The following METTL2B variants were observed in gnomAD, a reference collection of about 807,000 sequenced individuals.
METTL2B encodes methyltransferase 2B, tRNA N3-cytidine, also known as tRNA N(3)-cytidine methyltransferase METTL2B.
Under a neutral mutation model 51.0 loss-of-function variants are expected in METTL2B, and 28 were observed. That is an observed-to-expected ratio of 0.55 (90% CI 0.41 to 0.75). METTL2B has a LOEUF of 0.75. Among genes scored for constraint, METTL2B ranks in the 30% least tolerant of loss-of-function variants. The pLI is 0.00. For synonymous variants in METTL2B, 128 were observed against 166.3 expected, an observed-to-expected ratio of 0.77 and a Z score of 1.77; for missense variants, 313 against 460.7, an observed-to-expected ratio of 0.68 and a Z score of 2.93.
At chr7:128,494,367 C>T (rs939277323) in intron 6 of METTL2B, among the ~76,000 whole-genome samples, 2 of 152,156 alleles carry the variant, frequency 1.3e-5, no homozygotes, top group African/African-American at 4.8e-5. Context: ...ACAAAGAAGC[C>T]ACACCATTTG....
chr7:128,490,553 T>G (rs1201418484), intron 5 of METTL2B, among the ~76,000 whole-genome samples: 1 of 152,196 alleles, frequency 6.6e-6, no homozygotes, highest in African/African-American at 2.4e-5. Context: ...CCCAAGTTCC[T>G]GGTATCTTAC....
intron 5 of METTL2B, among the ~76,000 whole-genome samples, chr7:128,492,578 A>T (rs1584794695): frequency 6.7e-6 from 1 of 149,566 alleles, no homozygotes; most frequent in African/African-American, 2.5e-5. Context: ...CACTGTGCCT[A>T]GCAGATCGTG....
chr7:128,480,777 C>T lies in METTL2B; in HGVS notation c.608+81C>T, dbSNP rs1799863427. 1.2e-5 allele frequency: 17 copies of T among 1,381,014 alleles called. No individual in the cohort carries two copies. The South Asian group carries it at 2.4e-4, about 19-fold the overall frequency. The allele number at this position is 1,381,014 out of a possible 1,614,324, so 85.5% of individuals were successfully genotyped here. A position where few individuals can be genotyped will look rare whatever the true frequency, so the allele number is the denominator to read the frequency against. ...GGGCGCATTGCTTCACGACAGTAAT[C>T]CCAGCACTTTGGGAGGCCAAAGCAG... On this transcript the variant is annotated intron_variant, in intron 4 of 8. Coordinates refer to ENST00000262432, the MANE Select transcript of METTL2B (RefSeq NM_018396.3).
At chr7:128,497,727 C>T (rs185035215) in intron 6 of METTL2B, among the ~76,000 whole-genome samples, 3 of 150,338 alleles carry the variant, frequency 2.0e-5, no homozygotes, top group Non-Finnish European at 4.4e-5. Flanking sequence ...ATTTGATCCG[C>T]CTGCCTCAGC....
intron 6 of METTL2B, 80 bp downstream of exon 6, chr7:128,494,023 G>C (rs1792882233): frequency 2.6e-6 from 4 of 1,533,810 alleles, no homozygotes; most frequent in Admixed American, 2.0e-5. Context: ...ATAGGGTCTT[G>C]CTCCGTCAGC....
At chr7:128,486,249 C>T (rs967203206) in intron 4 of METTL2B, among the ~76,000 whole-genome samples, 9 of 151,598 alleles carry the variant, frequency 5.9e-5, no homozygotes, top group African/African-American at 2.2e-4. Context: ...GCCAAGACCA[C>T]GCTATTGCAC....
chr7:128,502,002 G>T lies in METTL2B; in HGVS notation c.*86G>T. The T allele has an allele frequency of 6.4e-7, 1 of 1,561,498 alleles. No individual in the cohort carries two copies. Among genetic ancestry groups the T allele is most frequent in the Non-Finnish European group, 8.7e-7 (1 of 1,149,688 alleles). On this transcript the variant is annotated 3_prime_UTR_variant, in exon 9 of 9. Coordinates refer to ENST00000262432, the MANE Select transcript of METTL2B (RefSeq NM_018396.3). ...ATTTGTAGCACCGGGCATGGTGCAT[G>T]CCTGTAATCCCAGCCACTCAGGAGG...
chr7:128,486,016 G>A (rs2732428), intron 4 of METTL2B, among the ~76,000 whole-genome samples: 3,182 of 152,144 alleles, frequency 0.021, 108 homozygotes, highest in African/African-American at 0.072. Context: ...AGCACAGGCC[G>A]GGCGTGGTGG....
At chr7:128,479,088 A>G (rs1334154017) in intron 2 of METTL2B, 70 bp from the exon 3 acceptor site, 7 of 1,433,926 alleles carry the variant, frequency 4.9e-6, no homozygotes, top group Non-Finnish European at 6.6e-6. Flanking sequence ...GTAAAGCAGG[A>G]TAATTGACGT....
At chr7:128,490,343 T>TGAGA (rs1792806531) in intron 5 of METTL2B, among the ~76,000 whole-genome samples, 2 of 150,370 alleles carry the variant, frequency 1.3e-5, no homozygotes, top group Non-Finnish European at 3.0e-5. Context: ...TTTTTTTTTT[T>TGAGA]GAGACAGGGT....
At chr7:128,482,011 A>G (rs1310817550) in intron 4 of METTL2B, among the ~76,000 whole-genome samples, 1 of 152,188 alleles carries the variant, frequency 6.6e-6, no homozygotes, top group Non-Finnish European at 1.5e-5. Flanking sequence ...GAAGAAGAAA[A>G]TAGTTTTCAT....
rs146623092 is a variant in METTL2B at position 128,503,050 on chromosome 7, C to T, written c.*1134C>T. ...TTGGGAGGCTGAGGCAGGTGGATCA[C>T]GAGGTCAGGAGATCGAGACCATCCT... is the stretch of plus-strand genomic sequence containing the variant. On this transcript the variant is annotated 3_prime_UTR_variant, in exon 9 of 9. Transcript: ENST00000262432. 4,921 of 159,346 alleles carry T rather than the reference C, an allele frequency of 0.031. 112 individuals carry two copies. The highest frequency in any genetic ancestry group is 0.059 in the African/African-American group (2,456 of 41,524). The allele number at this position is 159,346 out of a possible 1,614,324, so 9.9% of individuals were successfully genotyped here.
chr7:128,500,760 C>T (rs1793014260), intron 7 of METTL2B, 143 bp from the exon 8 acceptor site: 1 of 818,832 alleles, frequency 1.2e-6, no homozygotes, highest in Admixed American at 2.4e-5. Flanking sequence ...TTGTGACTTA[C>T]TCCCGTTGAG....
At chr7:128,488,828 G>A (rs1792768266) in intron 5 of METTL2B, among the ~76,000 whole-genome samples, 2 of 152,152 alleles carry the variant, frequency 1.3e-5, no homozygotes, top group Non-Finnish European at 2.9e-5. Context: ...ATTGCATGCC[G>A]GTGCGGTGAC....
At position 128,501,909 on chromosome 7, in the gene METTL2B, C is replaced by A; in HGVS notation, c.1130C>A (p.Thr377Asn). The change falls in exon 9 of 9, where the codon ACC (threonine) becomes AAC (asparagine). Residue 377 changes from threonine (T) to asparagine (N), a missense_variant. Physicochemically the swap from Thr to Asn is moderately conservative, Grantham distance 65 (BLOSUM62 0). Transcript: ENST00000262432. Reference protein sequence around the residue: ...CKYCKPLLSSTS With the variant: ...CKYCKPLLSSNS ...TACTGCAAGCCCCTTCTGTCCAGCA[C>A]CAGCTAAGAGGCACCTGCTGCCAAC... 1 of 1,614,030 alleles carries A rather than the reference C, an allele frequency of 6.2e-7. No homozygotes were observed. Among genetic ancestry groups the A allele is most frequent in the Non-Finnish European group, 8.5e-7 (1 of 1,180,008 alleles).
chr7:128,501,188 G>C, intron 8 of METTL2B: 1 of 985,454 alleles, frequency 1.0e-6, no homozygotes, highest in Non-Finnish European at 1.2e-6. Context: ...CTTCAGTCCT[G>C]CTCTGCTCTC....
At position 128,477,137 on chromosome 7, in the gene METTL2B, G is replaced by T. The variant is rs750826327; in HGVS notation, c.166G>T (p.Glu56Ter). 6.2e-7 allele frequency: 1 copy of T among 1,614,016 alleles called. No individual in the cohort carries two copies. Among genetic ancestry groups the T allele is most frequent in the South Asian group, 1.1e-5 (1 of 91,070 alleles). The change falls in exon 2 of 9, where the codon GAG (glutamate) becomes TAG (stop). Residue 56 changes from glutamate to a stop codon, truncating the protein, a stop_gained. Transcript: ENST00000262432. LOFTEE classifies it high-confidence loss of function. ...CGCGGCGGCGGAGAGAAAAGTCCAGGAGAACAGTATCCAGCGGGTGTGCCA... is the reference window on the plus strand; with the variant it reads ...CGCGGCGGCGGAGAGAAAAGTCCAGTAGAACAGTATCCAGCGGGTGTGCCA... Reference protein sequence around the residue: ...QAAAAERKVQENSIQRVCQEK... With the variant: ...QAAAAERKVQ
At chr7:128,476,988 C>T (rs1799809078) in intron 1 of METTL2B, 94 bp from the exon 2 acceptor site, 1 of 1,135,128 alleles carries the variant, frequency 8.8e-7, no homozygotes, top group Non-Finnish European at 1.2e-6. Context: ...CTACCCGAGG[C>T]ACTCTCCAAG....
At chr7:128,480,951 A>C (rs1799865288) in intron 4 of METTL2B, among the ~76,000 whole-genome samples, 1 of 152,254 alleles carries the variant, frequency 6.6e-6, no homozygotes, top group Non-Finnish European at 1.5e-5. Context: ...TACATTGTTC[A>C]TTTATGGATT....
Sources: gnomAD v4.1 joint callset for allele counts (sites outside exome capture counted in the v4.1 genomes callset) on GRCh38, gnomAD v4.1.1 for gene constraint, MANE v1.5 for transcripts, NCBI Gene and HGNC (gene_info 2026-07-23, HGNC 2026-07-21) for gene names.